NXPH2: variants seen among roughly 807,000 people sequenced by gnomAD.
NXPH2 encodes the protein neurexophilin 2.
NXPH2 carries 5 observed loss-of-function variants against 19.8 expected under a neutral mutation model. The observed-to-expected ratio is 0.25, with a 90% CI of 0.13 to 0.53. NXPH2 has a LOEUF of 0.53. Among genes scored for constraint, NXPH2 ranks in the 20% least tolerant of loss-of-function variants. The pLI is 0.96. For synonymous variants in NXPH2, 154 were observed against 127.4 expected, an observed-to-expected ratio of 1.21 and a Z score of -1.41; for missense variants, 289 against 322.8, an observed-to-expected ratio of 0.90 and a Z score of 0.80.
intron 1 of NXPH2, among the ~76,000 whole-genome samples, chr2:138,761,646 A>G (rs139985442): frequency 6.6e-6 from 1 of 152,318 alleles, no homozygotes; most frequent in Non-Finnish European, 1.5e-5. Flanking sequence ...AAGCTAATAA[A>G]GCTGGTTTGG....
At chr2:138,716,404 A>G (rs1029910591) in intron 1 of NXPH2, among the ~76,000 whole-genome samples, 2 of 152,292 alleles carry the variant, frequency 1.3e-5, no homozygotes, top group South Asian at 2.1e-4. Flanking sequence ...TCTCTCTGCA[A>G]TGTGAGGCCT....
At chr2:138,687,069 G>T (rs1680670368) in intron 1 of NXPH2, among the ~76,000 whole-genome samples, 1 of 152,184 alleles carries the variant, frequency 6.6e-6, no homozygotes, top group African/African-American at 2.4e-5. Context: ...TATATACCCA[G>T]TAATGGGATG....
intron 1 of NXPH2, among the ~76,000 whole-genome samples, chr2:138,733,790 T>A (rs62163217): frequency 0.072 from 10,914 of 152,218 alleles, 541 homozygotes; most frequent in Middle Eastern, 0.2. Flanking sequence ...AAAAATGACA[T>A]TGAGTAATAC....
intron 1 of NXPH2, among the ~76,000 whole-genome samples, chr2:138,706,761 G>A (rs561806732): frequency 6.6e-6 from 1 of 151,802 alleles, no homozygotes; most frequent in Non-Finnish European, 1.5e-5. Context: ...TAAGTAGGCA[G>A]GTGTGGTAGT....
chr2:138,773,835 G>A (rs1682216490), intron 1 of NXPH2, among the ~76,000 whole-genome samples: 1 of 152,120 alleles, frequency 6.6e-6, no homozygotes. Flanking sequence ...CATTTGTAGA[G>A]ACATTTACGT....
At chr2:138,713,597 CTGTGTGTG>C (rs113220668) in intron 1 of NXPH2, among the ~76,000 whole-genome samples, 1 of 149,626 alleles carries the variant, frequency 6.7e-6, no homozygotes, top group Admixed American at 6.7e-5. Context: ...AGAAAACGTT[CTGTGTGTG>C]TGTGTGTGTG....
intron 1 of NXPH2, among the ~76,000 whole-genome samples, chr2:138,707,092 G>GAAAAAAAAAAA (rs1242493874): frequency 3.5e-3 from 4 of 1,156 alleles, no homozygotes; most frequent in Admixed American, 0.02. Context: ...CTTGCCCCAT[G>GAAAAAAAAAAA]ACAAAAAAAA....
intron 1 of NXPH2, among the ~76,000 whole-genome samples, chr2:138,673,385 G>A (rs2104964038): frequency 6.6e-6 from 1 of 151,848 alleles, no homozygotes; most frequent in East Asian, 1.9e-4. Context: ...CTCTCTTATT[G>A]GTATATAATA....
chr2:138,736,949 C>G (rs1573972036), intron 1 of NXPH2, among the ~76,000 whole-genome samples: 2 of 152,308 alleles, frequency 1.3e-5, no homozygotes, highest in Non-Finnish European at 1.5e-5. Flanking sequence ...CAGTTCCCAA[C>G]AAGTTCCTCA....
chr2:138,733,686 G>T (rs77940703), intron 1 of NXPH2, among the ~76,000 whole-genome samples: 1 of 152,034 alleles, frequency 6.6e-6, no homozygotes, highest in African/African-American at 2.4e-5. Flanking sequence ...CACAATGTTC[G>T]GCTGCATTAT....
intron 1 of NXPH2, among the ~76,000 whole-genome samples, chr2:138,691,542 C>T (rs1448340627): frequency 1.3e-5 from 2 of 152,164 alleles, no homozygotes; most frequent in East Asian, 1.9e-4. Flanking sequence ...TGCCTCTTTC[C>T]TAATCTCCCT....
chr2:138,670,777 C>A lies in NXPH2; in HGVS notation c.*145G>T, dbSNP rs1209980171. ...TTCACACTTAAAGATGTCTCTTTTT[C>A]TTTTTTTAAATTTGAAAACCTGATA... On this transcript the variant is annotated 3_prime_UTR_variant, in exon 2 of 2. Transcript: ENST00000272641. 8 of 831,910 alleles carry A rather than the reference C, an allele frequency of 9.6e-6. No homozygotes were observed. The highest frequency in any genetic ancestry group is 1.4e-5 in the Non-Finnish European group (8 of 572,968). 51.5% of individuals were successfully genotyped at this position (831,910 alleles called of 1,614,324 possible).
intron 1 of NXPH2, among the ~76,000 whole-genome samples, chr2:138,721,645 G>GA (rs998277982): frequency 5.9e-5 from 9 of 151,954 alleles, no homozygotes; most frequent in Admixed American, 1.3e-4. Flanking sequence ...TGTATGTAGG[G>GA]AAAAAAACTA....
intron 1 of NXPH2, among the ~76,000 whole-genome samples, chr2:138,674,064 A>G (rs1196235795): frequency 6.6e-6 from 1 of 151,904 alleles, no homozygotes; most frequent in Non-Finnish European, 1.5e-5. Context: ...TGCAACCTCA[A>G]ACTCCTGGGC....
chr2:138,735,239 T>C (rs1681521535), intron 1 of NXPH2, among the ~76,000 whole-genome samples: 1 of 152,100 alleles, frequency 6.6e-6, no homozygotes, highest in Non-Finnish European at 1.5e-5. Flanking sequence ...TAGTTGGTAT[T>C]CTATGATGGT....
intron 1 of NXPH2, among the ~76,000 whole-genome samples, chr2:138,753,846 A>G (rs1681861340): frequency 2.0e-5 from 3 of 152,212 alleles, no homozygotes; most frequent in Admixed American, 6.5e-5. Flanking sequence ...CTACAACTCC[A>G]TGGAAAATAA....
chr2:138,766,651 C>T (rs1488840900), intron 1 of NXPH2, among the ~76,000 whole-genome samples: 1 of 152,136 alleles, frequency 6.6e-6, no homozygotes, highest in East Asian at 1.9e-4. Flanking sequence ...CTCATGGCCA[C>T]AGGAGCATGA....
intron 1 of NXPH2, among the ~76,000 whole-genome samples, chr2:138,705,090 G>A (rs1252821025): frequency 2.6e-5 from 4 of 152,088 alleles, no homozygotes; most frequent in African/African-American, 4.8e-5. Context: ...GCCTCCCAAA[G>A]TGTTGGGATA....
At chr2:138,736,192 G>C (rs1681535958) in intron 1 of NXPH2, among the ~76,000 whole-genome samples, 2 of 152,326 alleles carry the variant, frequency 1.3e-5, no homozygotes, top group Admixed American at 1.3e-4. Context: ...TCCCAGTTGG[G>C]ACTCTGTGTG....
Sources: gnomAD v4.1 joint callset for allele counts (sites outside exome capture counted in the v4.1 genomes callset) on GRCh38, gnomAD v4.1.1 for gene constraint, MANE v1.5 for transcripts, NCBI Gene and HGNC (gene_info 2026-07-23, HGNC 2026-07-21) for gene names.